TTC7A: variants seen among roughly 807,000 people sequenced by gnomAD.
The protein encoded by TTC7A is tetratricopeptide repeat protein 7A.
TTC7A carries 110 observed loss-of-function variants against 103.7 expected under a neutral mutation model. The ratio of observed to expected loss-of-function variants is 1.06; its 90% CI spans 0.91 to 1.24. The LOEUF (loss-of-function observed/expected upper bound fraction) is 1.24. Among genes scored for constraint, TTC7A ranks in the 50% most tolerant of loss-of-function variants. The pLI, the probability that TTC7A is intolerant of heterozygous loss-of-function variation, is 0.00. For synonymous variants in TTC7A, 521 were observed against 467.9 expected (o/e 1.11, Z -1.47); for missense variants, 1,340 against 1,116.3 (o/e 1.20, Z -2.86).
rs1021289706 is a variant in TTC7A at position 46,917,945 on chromosome 2, C to T, written c.82+668C>T. On this transcript the variant is annotated intron_variant, in intron 2 of 20. Coordinates refer to the TTC7A transcript ENST00000409245. ...TCTCAATCTATAATTATCAAAGTGT[C>T]CAGGGTTCTGTTCTGAGTCACCTTC... 2.0e-4 allele frequency among the ~76,000 whole-genome samples: 30 copies of T among 152,316 alleles called. No individual in the cohort carries two copies. In the East Asian group the frequency reaches 5.4e-3, roughly 27 times the overall value.
intron 14 of TTC7A, among the ~76,000 whole-genome samples, chr2:47,025,001 T>C (rs999758645): frequency 6.6e-6 from 1 of 152,178 alleles, no homozygotes; most frequent in Non-Finnish European, 1.5e-5. Flanking sequence ...GCTCTGGGCA[T>C]GCACACATCC....
At chr2:46,982,314 C>G (rs901569300) in intron 5 of TTC7A, among the ~76,000 whole-genome samples, 4 of 151,948 alleles carry the variant, frequency 2.6e-5, no homozygotes, top group African/African-American at 9.7e-5. Flanking sequence ...GCGGAGGTTT[C>G]TGTGAGCTGT....
chr2:47,023,401 C>A lies in TTC7A; in HGVS notation c.1511-7C>A, dbSNP rs776623213. 1 of 1,613,922 alleles carries A rather than the reference C, an allele frequency of 6.2e-7. No individual in the cohort carries two copies. The highest frequency in any genetic ancestry group is 8.5e-7 in the Non-Finnish European group (1 of 1,179,968). Reference sequence around the variant, plus strand: ...TGATGGCTCAGTTTCTGTCCTGTCCCCTGCAGCCACCCTGAAGTCCAAGCA... The same window carrying A: ...TGATGGCTCAGTTTCTGTCCTGTCCACTGCAGCCACCCTGAAGTCCAAGCA... On this transcript the variant is annotated splice_region_variant and splice_polypyrimidine_tract_variant and intron_variant, in intron 12 of 19. Transcript: ENST00000319190.
intron 8 of TTC7A, chr2:46,999,500 C>T (rs1676573062): frequency 1.5e-5 from 15 of 985,380 alleles, no homozygotes; most frequent in Non-Finnish European, 1.8e-5. Context: ...CTACAGCATG[C>T]GGGACCATGC....
chr2:47,022,010 T>G, intron 12 of TTC7A, 31 bp downstream of exon 12: 1 of 1,540,082 alleles, frequency 6.5e-7, no homozygotes, highest in Non-Finnish European at 8.9e-7. Flanking sequence ...GGCCTCTACT[T>G]GGGGATGGCT....
At chr2:47,063,707 G>A (rs1412644817) in intron 19 of TTC7A, among the ~76,000 whole-genome samples, 3 of 152,232 alleles carry the variant, frequency 2.0e-5, no homozygotes, top group African/African-American at 7.2e-5. Flanking sequence ...GAGGACGTTG[G>A]CCTCTGATCA....
Position 47,021,859 on chromosome 2 carries a change from C to A in TTC7A, c.1393-3C>A. The A allele has an allele frequency of 6.2e-7, 1 of 1,611,192 alleles. No individual in the cohort carries two copies. Reference sequence around the variant, plus strand: ...CCATGACCTCTGTCTCTCCTCTTTGCAGCTAGAGGAAGCAGAGCACTTTGC... The same window carrying A: ...CCATGACCTCTGTCTCTCCTCTTTGAAGCTAGAGGAAGCAGAGCACTTTGC... On this transcript the variant is annotated splice_polypyrimidine_tract_variant and splice_region_variant and intron_variant, in intron 11 of 19. Transcript: ENST00000319190.
At chr2:46,985,328 A>G (rs1674906678) in intron 5 of TTC7A, among the ~76,000 whole-genome samples, 1 of 152,164 alleles carries the variant, frequency 6.6e-6, no homozygotes, top group African/African-American at 2.4e-5. Context: ...CAGCCCAAAC[A>G]TTTGAAAGTC....
chr2:46,969,790 T>C (rs1157716468), intron 3 of TTC7A, among the ~76,000 whole-genome samples: 2 of 152,176 alleles, frequency 1.3e-5, no homozygotes, highest in Non-Finnish European at 2.9e-5. Flanking sequence ...CATTCATCTA[T>C]GCATCCGTCT....
rs1679420219 is a variant in TTC7A at position 47,022,656 on chromosome 2, C to T, written c.1510+677C>T. Among the ~76,000 whole-genome samples, 7 of 152,108 alleles carry T rather than the reference C, an allele frequency of 4.6e-5. No homozygotes were observed. In the South Asian group the frequency reaches 1.5e-3, roughly 32 times the overall value. ...AGTAATCAGCCCATGCCCACCTCCC[C>T]CAAACGCCAGTTGCTGGGAGCGGCA... is the stretch of plus-strand genomic sequence containing the variant. On this transcript the variant is annotated intron_variant, in intron 12 of 19. Transcript: ENST00000319190.
chr2:47,031,601 TAATGA>T (rs1472734079), intron 15 of TTC7A, among the ~76,000 whole-genome samples: 1 of 152,246 alleles, frequency 6.6e-6, no homozygotes, highest in African/African-American at 2.4e-5. Context: ...CAGAATTTCC[TAATGA>T]AATCTTCCTT....
chr2:47,048,542 TCACAAAG>T (rs956121254), intron 16 of TTC7A, among the ~76,000 whole-genome samples: 26 of 152,178 alleles, frequency 1.7e-4, no homozygotes, highest in Admixed American at 7.2e-4. Context: ...TTGCCAAGGG[TCACAAAG>T]CTGAGAAAGG....
chr2:47,031,146 C>T (rs1189187033), intron 15 of TTC7A, among the ~76,000 whole-genome samples: 1 of 151,998 alleles, frequency 6.6e-6, no homozygotes, highest in Admixed American at 6.6e-5. Context: ...GACTCAGTCT[C>T]AAAAAAGAAA....
intron 3 of TTC7A, among the ~76,000 whole-genome samples, chr2:46,961,316 C>G (rs1672348144): frequency 6.6e-6 from 1 of 152,216 alleles, no homozygotes; most frequent in South Asian, 2.1e-4. Flanking sequence ...GTGGCTCACG[C>G]CTGTAATCCT....
chr2:47,015,528 C>T (rs1191163744), intron 11 of TTC7A, among the ~76,000 whole-genome samples: 1 of 152,202 alleles, frequency 6.6e-6, no homozygotes, highest in African/African-American at 2.4e-5. Context: ...CACTTACTAG[C>T]TGTGTGACTT....
intron 11 of TTC7A, among the ~76,000 whole-genome samples, chr2:47,013,930 C>T (rs552688625): frequency 2.2e-4 from 34 of 152,204 alleles, no homozygotes; most frequent in African/African-American, 7.7e-4. Context: ...CCATGGGTGG[C>T]CCGAGAGTGG....
intron 16 of TTC7A, among the ~76,000 whole-genome samples, chr2:47,049,494 A>G (rs1329837071): frequency 1.3e-5 from 2 of 151,984 alleles, no homozygotes; most frequent in Non-Finnish European, 1.5e-5. Context: ...CTGGCAGCCC[A>G]AGGAATGGAA....
At chr2:47,055,716 G>T (rs1683256985) in intron 18 of TTC7A, among the ~76,000 whole-genome samples, 1 of 152,152 alleles carries the variant, frequency 6.6e-6, no homozygotes, top group African/African-American at 2.4e-5. Context: ...GGGGAAGCTG[G>T]CCTGAGTCTC....
At chr2:47,011,478 G>A in intron 11 of TTC7A, 43 bp downstream of exon 11, 1 of 1,496,698 alleles carries the variant, frequency 6.7e-7, no homozygotes, top group South Asian at 1.2e-5. Context: ...CTCCTGTGGG[G>A]AGGGTGGCAG....
Sources: allele counts gnomAD v4.1 joint callset (sites outside exome capture counted in the v4.1 genomes callset), GRCh38; gene constraint gnomAD v4.1.1; transcripts MANE v1.5; gene names NCBI Gene and HGNC (gene_info 2026-07-23, HGNC 2026-07-21).